The following METAP1D variants were observed in gnomAD, a reference collection of about 807,000 sequenced individuals.
METAP1D encodes the protein methionyl aminopeptidase type 1D, mitochondrial, also known as methionine aminopeptidase 1D, mitochondrial.
A neutral mutation model predicts 40.5 loss-of-function variants in METAP1D; 31 were observed. The observed-to-expected ratio is 0.77, with a 90% confidence interval of 0.58 to 1.03. The LOEUF (loss-of-function observed/expected upper bound fraction) is 1.03. Ranked by LOEUF, METAP1D falls within the 50% of genes least tolerant of loss-of-function variation. The probability of loss-of-function intolerance (pLI) is 0.00; values close to 1 mark genes in which losing one functional copy is unlikely to be tolerated. For missense variants in METAP1D, 411 were observed against 420.7 expected, an observed-to-expected ratio of 0.98 and a Z score of 0.20; for synonymous variants, 151 against 146.4, an observed-to-expected ratio of 1.03 and a Z score of -0.22.
At chr2:172,073,056 A>G (rs1690459611) in intron 6 of METAP1D, among the ~76,000 whole-genome samples, 1 of 152,200 alleles carries the variant, frequency 6.6e-6, no homozygotes, top group Non-Finnish European at 1.5e-5. Context: ...TTACTAACAA[A>G]TGGAGCTCCC....
chr2:172,014,721 C>T (rs1688814853), intron 1 of METAP1D, among the ~76,000 whole-genome samples: 1 of 151,968 alleles, frequency 6.6e-6, no homozygotes, highest in South Asian at 2.1e-4. Context: ...GGTGCAATCT[C>T]GGCTCACTGC....
intron 1 of METAP1D, among the ~76,000 whole-genome samples, chr2:172,020,161 G>A (rs1423036032): frequency 6.6e-6 from 1 of 151,922 alleles, no homozygotes; most frequent in East Asian, 1.9e-4. Flanking sequence ...TAATTTTTAT[G>A]TTTTTAGTAG....
intron 1 of METAP1D, among the ~76,000 whole-genome samples, chr2:172,006,826 A>T (rs545115995): frequency 2.0e-5 from 3 of 152,290 alleles, no homozygotes; most frequent in South Asian, 4.1e-4. Flanking sequence ...GCCTCCCCAC[A>T]GGTGGATTAT....
intron 1 of METAP1D, among the ~76,000 whole-genome samples, chr2:172,053,946 T>G (rs56139403): frequency 0.043 from 6,583 of 152,280 alleles, 163 homozygotes; most frequent in Non-Finnish European, 0.055. Flanking sequence ...TACAACTGCT[T>G]AAAATAATAA....
chr2:172,069,808 T>C (rs773361451), intron 5 of METAP1D, among the ~76,000 whole-genome samples: 2 of 152,212 alleles, frequency 1.3e-5, no homozygotes, highest in Non-Finnish European at 2.9e-5. Flanking sequence ...AAGTTACTTA[T>C]CTGTGCCTCA....
rs143767766 is a variant in METAP1D, at chr2:172,020,289, C to T, written c.40+20280C>T. 5.9e-3 allele frequency among the ~76,000 whole-genome samples: 896 copies of T among 152,276 alleles called. 9 individuals are homozygous for T. The highest frequency in any genetic ancestry group is 0.02 in the African/African-American group (837 of 41,566). On this transcript the variant is annotated intron_variant, in intron 1 of 9. Transcript: ENST00000315796. The stretch of plus-strand genomic sequence containing the variant: ...CGTGAGCCACCGCGCCCGGCCTAAC[C>T]TCAGTTTTAAGTGGTTTTTAAAATC...
intron 1 of METAP1D, among the ~76,000 whole-genome samples, chr2:172,008,689 C>T (rs1375477324): frequency 9.4e-6 from 1 of 106,946 alleles, no homozygotes; most frequent in African/African-American, 3.7e-5. Context: ...GTGAATGTGG[C>T]CTTTCTCTCA....
At position 172,080,401 on chromosome 2, in the gene METAP1D, G is replaced by T. The variant is rs781610670; in HGVS notation, c.1003G>T (p.Ala335Ser). Residue 335 changes from alanine (A) to serine (S), a missense_variant, in exon 10 of 10, where the codon GCC becomes TCC. Physicochemically the swap from Ala to Ser is moderately conservative, Grantham distance 99. Coordinates refer to ENST00000315796, the MANE Select transcript of METAP1D (RefSeq NM_199227.3). ...AQILTKLPHE[A>S] is the part of the protein sequence containing the mutation. ...GATCCTGACCAAACTACCCCATGAG[G>T]CCTGAGGAGCCGCCCGAAGGTCGCG... is the stretch of plus-strand genomic sequence containing the variant. 6.2e-7 allele frequency: 1 copy of T among 1,614,000 alleles called. No individual in the cohort carries two copies. Among genetic ancestry groups the T allele is most frequent in the Non-Finnish European group, 8.5e-7 (1 of 1,179,892 alleles).
intron 1 of METAP1D, among the ~76,000 whole-genome samples, chr2:172,027,816 C>T (rs1232947081): frequency 6.6e-6 from 1 of 152,196 alleles, no homozygotes; most frequent in African/African-American, 2.4e-5. Flanking sequence ...TCTGTTGTGT[C>T]TGCTCATGTG....
chr2:172,040,778 G>T (rs34737109), intron 1 of METAP1D, among the ~76,000 whole-genome samples: 1 of 130,910 alleles, frequency 7.6e-6, no homozygotes, highest in South Asian at 2.6e-4. Context: ...ATGGAGTCTC[G>T]CTCTCTCTCC....
Position 172,065,791 on chromosome 2 carries a change from T to C in METAP1D, c.497+39T>C, listed in dbSNP as rs781302284. On this transcript the variant is annotated intron_variant, in intron 4 of 9. Transcript: ENST00000315796. ...AATAACATATTGTTCCTTTGGAAAC[T>C]AAAACATGAAGCTAAGATCTGTAAC... 6 of 1,591,828 alleles carry C rather than the reference T, an allele frequency of 3.8e-6. No homozygotes were observed. In the African/African-American group the frequency reaches 5.4e-5, roughly 14 times the overall value.
chr2:172,000,117 A>G, intron 1 of METAP1D, 108 bp downstream of exon 1: 1 of 986,956 alleles, frequency 1.0e-6, no homozygotes, highest in African/African-American at 1.7e-5. Flanking sequence ...GGCGCACACG[A>G]CTGTACTTTC....
chr2:172,056,808 G>T lies in METAP1D; in HGVS notation c.41-4690G>T, dbSNP rs370037218. Among the ~76,000 whole-genome samples, 66 of 152,320 alleles carry T rather than the reference G, an allele frequency of 4.3e-4. 2 individuals are homozygous for T. The highest frequency in any genetic ancestry group is 1.5e-3 in the African/African-American group (63 of 41,568). ...ACTCCCATTTAATAGTGAAGAAAATGAGTCTCAGAAGTTTTGGTAACTCAC... is the reference window on the plus strand; with the variant it reads ...ACTCCCATTTAATAGTGAAGAAAATTAGTCTCAGAAGTTTTGGTAACTCAC... On this transcript the variant is annotated intron_variant, in intron 1 of 9. Coordinates refer to ENST00000315796, the MANE Select transcript of METAP1D (RefSeq NM_199227.3).
In METAP1D at chr2:172,071,043, C is replaced by T. The variant is rs749211914; in HGVS notation, c.677C>T (p.Pro226Leu). The T allele has an allele frequency of 1.9e-6, 3 of 1,610,876 alleles. No individual in the cohort carries two copies. In the East Asian group the frequency reaches 6.7e-5, roughly 36 times the overall value. ...ATTGCAGCTTGCAGAGCAGGGGCTC[C>T]CTTCTCTGTAATTGGAAACACAATC... ...EAIAACRAGA[P>L]FSVIGNTISH... The change falls in exon 6 of 10, where the codon CCC becomes CTC. Residue 226 changes from proline (P) to leucine (L), a missense_variant. Coordinates refer to ENST00000315796, the MANE Select transcript of METAP1D (RefSeq NM_199227.3).
intron 6 of METAP1D, among the ~76,000 whole-genome samples, chr2:172,074,234 A>G (rs1690491778): frequency 6.6e-6 from 1 of 152,210 alleles, no homozygotes; most frequent in South Asian, 2.1e-4. Flanking sequence ...AATAATTTAA[A>G]CTTGTAAATG....
chr2:172,028,060 G>A (rs1689157951), intron 1 of METAP1D, among the ~76,000 whole-genome samples: 1 of 152,142 alleles, frequency 6.6e-6, no homozygotes, highest in African/African-American at 2.4e-5. Context: ...ATTCTGATGG[G>A]GAAACAATAG....
intron 1 of METAP1D, among the ~76,000 whole-genome samples, chr2:172,045,552 T>C (rs1689718897): frequency 6.8e-6 from 1 of 147,652 alleles, no homozygotes; most frequent in Non-Finnish European, 1.5e-5. Flanking sequence ...TCCCAGCTAC[T>C]CGGTAGGCTG....
At chr2:172,007,921 C>T (rs1688625852) in intron 1 of METAP1D, among the ~76,000 whole-genome samples, 1 of 152,102 alleles carries the variant, frequency 6.6e-6, no homozygotes, top group South Asian at 2.1e-4. Context: ...AACTCCTGAT[C>T]TCAAGTGATC....
chr2:172,049,680 A>G (rs1341597720), intron 1 of METAP1D, among the ~76,000 whole-genome samples: 2 of 152,178 alleles, frequency 1.3e-5, no homozygotes, highest in Non-Finnish European at 2.9e-5. Flanking sequence ...TGCTTTTACT[A>G]AAGAGGTTAC....
Sources: gnomAD v4.1 joint callset for allele counts (sites outside exome capture counted in the v4.1 genomes callset) on GRCh38, gnomAD v4.1.1 for gene constraint, MANE v1.5 for transcripts, NCBI Gene and HGNC (gene_info 2026-07-23, HGNC 2026-07-21) for gene names.